Variants in LRMDA observed in about 807,000 individuals in gnomAD.
The protein encoded by LRMDA is leucine-rich melanocyte differentiation-associated protein.
LRMDA carries 18 observed loss-of-function variants against 29.8 expected under a neutral mutation model. That is an observed-to-expected ratio of 0.60 (90% CI 0.42 to 0.90). The LOEUF (loss-of-function observed/expected upper bound fraction) is 0.90. LRMDA is among the 40% of genes least tolerant of loss of function. The pLI is 0.00. For synonymous variants in LRMDA, 125 were observed against 109.4 expected, an observed-to-expected ratio of 1.14 and a Z score of -0.89; for missense variants, 273 against 273.9, an observed-to-expected ratio of 1.00 and a Z score of 0.02.
intron 2 of LRMDA, among the ~76,000 whole-genome samples, chr10:75,710,661 T>G (rs1396278320): frequency 6.6e-6 from 1 of 152,214 alleles, no homozygotes; most frequent in Non-Finnish European, 1.5e-5. Flanking sequence ...GGCATGTGGG[T>G]TCGAGAAACA....
At chr10:76,068,854 A>G (rs2132066050) in intron 5 of LRMDA, among the ~76,000 whole-genome samples, 1 of 152,346 alleles carries the variant, frequency 6.6e-6, no homozygotes, top group Non-Finnish European at 1.5e-5. Context: ...ACCAGCATGC[A>G]GTAGCACGCA....
intron 2 of LRMDA, among the ~76,000 whole-genome samples, chr10:75,644,988 CTTT>C (rs139813398): frequency 0.63 from 89,823 of 143,652 alleles, 30,658 homozygotes; most frequent in Non-Finnish European, 0.75. Flanking sequence ...TTATTTTACT[CTTT>C]TTTTTTTTTT....
chr10:75,857,566 G>A (rs997458514), intron 2 of LRMDA, among the ~76,000 whole-genome samples: 4 of 152,206 alleles, frequency 2.6e-5, no homozygotes, highest in Admixed American at 2.6e-4. Flanking sequence ...GCTTGCCAGA[G>A]GGCCAATAAA....
intron 6 of LRMDA, among the ~76,000 whole-genome samples, chr10:76,404,937 A>T (rs1224025740): frequency 2.0e-5 from 3 of 152,196 alleles, no homozygotes; most frequent in Non-Finnish European, 2.9e-5. Flanking sequence ...TTGAAGATGA[A>T]GGAAGGGTCC....
At chr10:76,508,305 A>T (rs1159392243) in intron 6 of LRMDA, among the ~76,000 whole-genome samples, 1 of 152,134 alleles carries the variant, frequency 6.6e-6, no homozygotes, top group Non-Finnish European at 1.5e-5. Context: ...AATCTCCTTC[A>T]CTAAGTTTAG....
At chr10:76,111,312 C>G (rs1849575508) in intron 5 of LRMDA, among the ~76,000 whole-genome samples, 1 of 152,198 alleles carries the variant, frequency 6.6e-6, no homozygotes, top group Non-Finnish European at 1.5e-5. Context: ...ATCTTTTTTG[C>G]TCATCATTGA....
chr10:76,113,112 C>G (rs1447657477), intron 5 of LRMDA, among the ~76,000 whole-genome samples: 1 of 152,024 alleles, frequency 6.6e-6, no homozygotes, highest in Non-Finnish European at 1.5e-5. Flanking sequence ...GAGTGTAAAT[C>G]TTCTAGTTTG....
intron 2 of LRMDA, among the ~76,000 whole-genome samples, chr10:75,473,679 C>T (rs1380800967): frequency 6.6e-6 from 1 of 152,288 alleles, no homozygotes; most frequent in East Asian, 1.9e-4. Flanking sequence ...GCTCAGTTTC[C>T]TCATCTGTGG....
At chr10:75,966,428 GA>G (rs1180384260) in intron 2 of LRMDA, among the ~76,000 whole-genome samples, 3 of 152,228 alleles carry the variant, frequency 2.0e-5, no homozygotes, top group Non-Finnish European at 4.4e-5. Context: ...CCGTGCTTAG[GA>G]AATGGTCATT....
At chr10:75,834,256 T>G (rs1844395449) in intron 2 of LRMDA, among the ~76,000 whole-genome samples, 2 of 152,230 alleles carry the variant, frequency 1.3e-5, no homozygotes, top group African/African-American at 4.8e-5. Context: ...TTTTTCTGGA[T>G]AATTCTATGT....
intron 2 of LRMDA, among the ~76,000 whole-genome samples, chr10:75,894,710 T>G (rs1845554744): frequency 6.6e-6 from 1 of 152,104 alleles, no homozygotes; most frequent in Non-Finnish European, 1.5e-5. Context: ...TGGGGAGCAC[T>G]GCAAGACTGC....
At chr10:76,409,809 C>T (rs1175383730) in intron 6 of LRMDA, among the ~76,000 whole-genome samples, 1 of 152,180 alleles carries the variant, frequency 6.6e-6, no homozygotes, top group African/African-American at 2.4e-5. Context: ...ACTTACTGGG[C>T]AGTGTCCAGA....
intron 2 of LRMDA, among the ~76,000 whole-genome samples, chr10:76,017,842 G>T (rs1847903372): frequency 1.3e-5 from 2 of 152,134 alleles, no homozygotes; most frequent in Admixed American, 1.3e-4. Flanking sequence ...AAAGTTCAGG[G>T]CCCCTGAGAG....
At chr10:75,513,311 T>A (rs1179849099) in intron 2 of LRMDA, among the ~76,000 whole-genome samples, 1 of 152,238 alleles carries the variant, frequency 6.6e-6, no homozygotes, top group Non-Finnish European at 1.5e-5. Context: ...CACGCTTTCT[T>A]GCGTGCGTGT....
chr10:76,098,165 G>A (rs144962523), intron 5 of LRMDA, among the ~76,000 whole-genome samples: 5 of 152,132 alleles, frequency 3.3e-5, no homozygotes, highest in Admixed American at 6.5e-5. Flanking sequence ...TGTGTAATAC[G>A]TTATACAATG....
intron 2 of LRMDA, among the ~76,000 whole-genome samples, chr10:75,790,369 A>G (rs576069286): frequency 6.4e-4 from 98 of 152,348 alleles, no homozygotes; most frequent in Non-Finnish European, 1.0e-3. Flanking sequence ...AGTAAACAAC[A>G]ATTATATGCT....
At chr10:75,907,948 G>A (rs1012031538) in intron 2 of LRMDA, among the ~76,000 whole-genome samples, 8 of 152,174 alleles carry the variant, frequency 5.3e-5, no homozygotes, top group African/African-American at 1.7e-4. Context: ...GCAGGTGAAG[G>A]GGAAAGCCCA....
chr10:76,399,282 G>T, intron 6 of LRMDA, among the ~76,000 whole-genome samples: 1 of 152,112 alleles, frequency 6.6e-6, no homozygotes, highest in East Asian at 1.9e-4. Flanking sequence ...CTCTGTCTCT[G>T]GAAAAATCCT....
chr10:76,224,647 AAAT>A (rs369310835), intron 5 of LRMDA, among the ~76,000 whole-genome samples: 134 of 151,418 alleles, frequency 8.8e-4, no homozygotes, highest in African/African-American at 3.2e-3. Flanking sequence ...CAGAGCAATA[AAAT>A]AATAATGTCT....
Sources: gnomAD v4.1 joint callset for allele counts (sites outside exome capture counted in the v4.1 genomes callset) on GRCh38, gnomAD v4.1.1 for gene constraint, MANE v1.5 for transcripts, NCBI Gene and HGNC (gene_info 2026-07-23, HGNC 2026-07-21) for gene names.